OCA2: variants seen among roughly 807,000 people sequenced by gnomAD.
OCA2 encodes P protein.
In OCA2, 77 loss-of-function variants were observed where a neutral mutation model predicts 100.2. The observed-to-expected ratio is 0.77, with a 90% CI of 0.64 to 0.93. OCA2 has a LOEUF of 0.93. Among genes scored for constraint, OCA2 ranks in the 40% least tolerant of loss-of-function variants. The probability of loss-of-function intolerance (pLI) is 0.00; values close to 1 mark genes in which losing one functional copy is unlikely to be tolerated. For missense variants in OCA2, 1,062 were observed against 1,089.1 expected, an observed-to-expected ratio of 0.98 and a Z score of 0.35; for synonymous variants, 432 against 439.2, an observed-to-expected ratio of 0.98 and a Z score of 0.21.
At chr15:27,838,839 G>A (rs551870790) in intron 23 of OCA2, among the ~76,000 whole-genome samples, 43 of 152,202 alleles carry the variant, frequency 2.8e-4, no homozygotes, top group Non-Finnish European at 4.7e-4. Context: ...TTAAACCTAC[G>A]AAAGCTCAGG....
At chr15:28,026,096 G>A (rs1278170169) in intron 4 of OCA2, among the ~76,000 whole-genome samples, 1 of 152,202 alleles carries the variant, frequency 6.6e-6, no homozygotes, top group African/African-American at 2.4e-5. Flanking sequence ...GACATCTGCA[G>A]CAGAGCTGAC....
At position 28,009,684 on chromosome 15, in the gene OCA2, TCACACA is replaced by T. The variant is rs747425942; in HGVS notation, c.1044+5086_1044+5091del. ...GCCTGGGCAACAGAGCGAGATTCTG[TCACACA>T]CACACACACACACACACACACACAC... On this transcript the variant is annotated intron_variant, in intron 9 of 23. Coordinates refer to ENST00000354638, the MANE Select transcript of OCA2 (RefSeq NM_000275.3). Among the ~76,000 whole-genome samples, 538 of 138,098 alleles carry T rather than the reference TCACACA, an allele frequency of 3.9e-3. 2 individuals carry two copies. The highest frequency in any genetic ancestry group is 0.012 in the African/African-American group (462 of 37,334). 90.6% of individuals were successfully genotyped at this position (138,098 alleles called of 152,430 possible).
intron 23 of OCA2, among the ~76,000 whole-genome samples, chr15:27,805,456 G>A (rs2033797097): frequency 6.6e-6 from 1 of 152,218 alleles, no homozygotes; most frequent in Admixed American, 6.5e-5. Context: ...CGGGGACCCG[G>A]TGTAAAACGG....
intron 18 of OCA2, among the ~76,000 whole-genome samples, chr15:27,950,008 A>G (rs2039978136): frequency 6.6e-6 from 1 of 152,216 alleles, no homozygotes; most frequent in Non-Finnish European, 1.5e-5. Flanking sequence ...ACAACCACAC[A>G]AAAGGAGATG....
the OCA2 span, among the ~76,000 whole-genome samples, chr15:27,725,320 T>A: frequency 6.6e-6 from 1 of 152,232 alleles, no homozygotes; most frequent in Non-Finnish European, 1.5e-5. Flanking sequence ...CTCACGCCTA[T>A]AATCCCAGCA....
At chr15:28,072,467 G>C (rs2044291457) in intron 2 of OCA2, among the ~76,000 whole-genome samples, 1 of 151,830 alleles carries the variant, frequency 6.6e-6, no homozygotes, top group East Asian at 1.9e-4. Context: ...GCGGGTGCCT[G>C]TAGTCCCAGC....
At chr15:28,013,459 C>T (rs2042297337) in intron 9 of OCA2, among the ~76,000 whole-genome samples, 1 of 152,146 alleles carries the variant, frequency 6.6e-6, no homozygotes, top group South Asian at 2.1e-4. Context: ...TGCTGTATTA[C>T]CTGCATGCCC....
In OCA2 at chr15:28,092,010, G is replaced by A. The variant is rs376138701; in HGVS notation, c.-22+7214C>T. ...GTCCATTACTAAATAAATAAAATGTGGTATATACACACAGTGGATTATTTG... is the reference window on the plus strand; with the variant it reads ...GTCCATTACTAAATAAATAAAATGTAGTATATACACACAGTGGATTATTTG... On this transcript the variant is annotated intron_variant, in intron 1 of 23. Coordinates refer to ENST00000354638, the MANE Select transcript of OCA2 (RefSeq NM_000275.3). 2.6e-5 allele frequency among the ~76,000 whole-genome samples: 4 copies of A among 152,168 alleles called. No individual in the cohort carries two copies. In the East Asian group the frequency reaches 7.7e-4, roughly 29 times the overall value.
the OCA2 span, among the ~76,000 whole-genome samples, chr15:27,726,440 A>ATGC: frequency 1.3e-5 from 2 of 152,226 alleles, no homozygotes; most frequent in Non-Finnish European, 2.9e-5. Flanking sequence ...AGTCTTCTCA[A>ATGC]TACAAAGAAA....
At chr15:27,799,899 C>G (rs1352020466) in intron 23 of OCA2, among the ~76,000 whole-genome samples, 1 of 151,996 alleles carries the variant, frequency 6.6e-6, no homozygotes, top group Non-Finnish European at 1.5e-5. Context: ...GGTAAAAAGG[C>G]TGGAGTGATG....
chr15:27,969,918 A>T (rs538738310), intron 14 of OCA2, among the ~76,000 whole-genome samples: 20 of 152,008 alleles, frequency 1.3e-4, no homozygotes, highest in Middle Eastern at 3.4e-3. Context: ...AAAAAAAAAA[A>T]AGCTTCTTAT....
At chr15:27,783,527 G>T (rs962513853) in intron 23 of OCA2, among the ~76,000 whole-genome samples, 4 of 152,312 alleles carry the variant, frequency 2.6e-5, no homozygotes, top group Middle Eastern at 3.4e-3. Context: ...AATATGAAGA[G>T]GGGGAGGGAC....
At chr15:28,094,871 G>T (rs1451659208) in intron 1 of OCA2, among the ~76,000 whole-genome samples, 1 of 152,246 alleles carries the variant, frequency 6.6e-6, no homozygotes, top group Non-Finnish European at 1.5e-5. Context: ...GGGCGGAGTG[G>T]GGCGACGGCA....
intron 23 of OCA2, among the ~76,000 whole-genome samples, chr15:27,777,509 A>C (rs2032304376): frequency 6.6e-6 from 1 of 152,220 alleles, no homozygotes; most frequent in Admixed American, 6.5e-5. Context: ...AAACCAAAAA[A>C]TCACCTACTA....
intron 19 of OCA2, among the ~76,000 whole-genome samples, chr15:27,880,751 C>G (rs1247112144): frequency 6.6e-6 from 1 of 152,092 alleles, no homozygotes; most frequent in Non-Finnish European, 1.5e-5. Context: ...GCTAAAGGAG[C>G]TTTTGGACTG....
At chr15:28,084,295 T>TA (rs2141925482) in intron 1 of OCA2, among the ~76,000 whole-genome samples, 1 of 152,316 alleles carries the variant, frequency 6.6e-6, no homozygotes, top group South Asian at 2.1e-4. Context: ...GATGTTTTGT[T>TA]ACAGCAGCAT....
chr15:28,092,996 C>CA (rs370198894), intron 1 of OCA2, among the ~76,000 whole-genome samples: 31 of 146,102 alleles, frequency 2.1e-4, no homozygotes, highest in African/African-American at 5.8e-4. Flanking sequence ...CAAAAGTAAA[C>CA]AAAAAAAAAA....
chr15:27,792,545 C>G (rs981899743), intron 23 of OCA2, among the ~76,000 whole-genome samples: 17 of 152,224 alleles, frequency 1.1e-4, no homozygotes, highest in African/African-American at 4.1e-4. Context: ...TCACCTCCCA[C>G]ACGAGCCACA....
At chr15:27,959,111 C>A (rs1376767051) in intron 15 of OCA2, among the ~76,000 whole-genome samples, 1 of 152,198 alleles carries the variant, frequency 6.6e-6, no homozygotes, top group African/African-American at 2.4e-5. Context: ...TGCGCAGAGC[C>A]TGGGAGCACC....
Sources: gnomAD v4.1 joint callset for allele counts (sites outside exome capture counted in the v4.1 genomes callset) on GRCh38, gnomAD v4.1.1 for gene constraint, MANE v1.5 for transcripts, NCBI Gene and HGNC (gene_info 2026-07-23, HGNC 2026-07-21) for gene names.